RARRES1: variants seen among roughly 807,000 people sequenced by gnomAD.
RARRES1 encodes retinoic acid receptor responder 1, also known as retinoic acid receptor responder protein 1.
A neutral mutation model predicts 30.6 loss-of-function variants in RARRES1; 34 were observed. That is an observed-to-expected ratio of 1.11 (90% CI 0.84 to 1.48). The LOEUF (loss-of-function observed/expected upper bound fraction) is 1.48. Ranked by LOEUF, RARRES1 falls within the 40% of genes most tolerant of loss-of-function variation. The pLI is 0.00. For synonymous variants in RARRES1, 153 were observed against 155.5 expected (o/e 0.98, Z 0.12); for missense variants, 373 against 386.5 (o/e 0.97, Z 0.29).
intron 1 of RARRES1, among the ~76,000 whole-genome samples, chr3:158,715,796 A>G (rs1727302935): frequency 6.6e-6 from 1 of 152,228 alleles, no homozygotes; most frequent in Admixed American, 6.5e-5. Flanking sequence ...TAAATGAGAC[A>G]TGCCTGACAG....
chr3:158,730,347 G>A (rs1438132339), intron 1 of RARRES1, among the ~76,000 whole-genome samples: 6 of 135,712 alleles, frequency 4.4e-5, no homozygotes, highest in Admixed American at 1.5e-4. Context: ...AACAAAGACA[G>A]GTGACAAGAA....
chr3:158,722,086 C>CAAAAAAAGAAAAAAAAAAAAA (rs1727532257), intron 1 of RARRES1, among the ~76,000 whole-genome samples: 1 of 68,746 alleles, frequency 1.5e-5, no homozygotes, highest in Non-Finnish European at 2.9e-5. Flanking sequence ...GAATGAAACT[C>CAAAAAAAGAAAAAAAAAAAAA]AAAAAAAAAA....
chr3:158,728,210 T>TAAA (rs1553746094), intron 1 of RARRES1, among the ~76,000 whole-genome samples: 4 of 144,976 alleles, frequency 2.8e-5, no homozygotes, highest in African/African-American at 1.0e-4. Context: ...CTATTTCGTT[T>TAAA]AAAAAAAAAA....
chr3:158,698,986 T>C (rs1726638512), intron 4 of RARRES1, among the ~76,000 whole-genome samples: 1 of 152,236 alleles, frequency 6.6e-6, no homozygotes, highest in African/African-American at 2.4e-5. Flanking sequence ...GCTTGAGAGC[T>C]GGGACTCTCT....
intron 1 of RARRES1, among the ~76,000 whole-genome samples, chr3:158,728,414 G>A (rs1201537149): frequency 6.6e-6 from 1 of 151,970 alleles, no homozygotes; most frequent in Admixed American, 6.6e-5. Flanking sequence ...CTGGATGGAT[G>A]ATAGACATTG....
At chr3:158,711,195 A>T (rs552134436) in intron 2 of RARRES1, among the ~76,000 whole-genome samples, 27 of 152,266 alleles carry the variant, frequency 1.8e-4, no homozygotes, top group African/African-American at 6.3e-4. Flanking sequence ...ATTGACATCC[A>T]TTGAGCACTG....
rs1185199094 is a variant in RARRES1, at chr3:158,710,869, T to C, written c.404A>G (p.Gln135Arg). ...KCSARVFFKN[Q>R]KPRPTINVTC... is the part of the protein sequence containing the mutation. ...TACATTGATGGTTGGTCTGGGTTTC[T>C]GATTCTTGAAAAACACTCGAGCAGA... The change falls in exon 3 of 6, where the codon CAG (glutamine) becomes CGG (arginine). Residue 135 changes from glutamine to arginine, a missense_variant. Physicochemically the swap from Gln to Arg is conservative, Grantham distance 43 (BLOSUM62 1). Coordinates refer to ENST00000237696, the MANE Select transcript of RARRES1 (RefSeq NM_206963.2). 5 of 1,613,988 alleles carry C rather than the reference T, an allele frequency of 3.1e-6. No homozygotes were observed. Among genetic ancestry groups the C allele is most frequent in the Non-Finnish European group, 4.2e-6 (5 of 1,179,950 alleles).
At position 158,723,973 on chromosome 3, in the gene RARRES1, T is replaced by C. The variant is rs762117980; in HGVS notation, c.276+8167A>G. Among the ~76,000 whole-genome samples, 5 of 152,220 alleles carry C rather than the reference T, an allele frequency of 3.3e-5. No homozygotes were observed. The highest frequency in any genetic ancestry group is 7.3e-5 in the Non-Finnish European group (5 of 68,050). ...CAATGAAGGAGATAGAGACATGATATAATACCTTGCGCCCTGTAGAAGCTG... is the reference window on the plus strand; with the variant it reads ...CAATGAAGGAGATAGAGACATGATACAATACCTTGCGCCCTGTAGAAGCTG... On this transcript the variant is annotated intron_variant, in intron 1 of 5. Coordinates refer to ENST00000237696, the MANE Select transcript of RARRES1 (RefSeq NM_206963.2). The surrounding 1 kb of genome is among the most constrained non-coding windows in gnomAD (Gnocchi z 4.4).
chr3:158,721,183 A>G (rs1452470411), intron 1 of RARRES1, among the ~76,000 whole-genome samples: 1 of 152,142 alleles, frequency 6.6e-6, no homozygotes, highest in Non-Finnish European at 1.5e-5. Context: ...AAGCGAGCAG[A>G]CCAGCCTGGG....
chr3:158,700,868 G>T (rs1726699518), intron 4 of RARRES1, among the ~76,000 whole-genome samples: 1 of 152,030 alleles, frequency 6.6e-6, no homozygotes, highest in African/African-American at 2.4e-5. Context: ...CTTTTACTTG[G>T]TCATAACCCA....
chr3:158,711,379 T>C (rs1727130362), intron 2 of RARRES1, among the ~76,000 whole-genome samples: 2 of 152,044 alleles, frequency 1.3e-5, no homozygotes, highest in Admixed American at 1.3e-4. Context: ...CTGATTCCAG[T>C]TTGAAAGATT....
chr3:158,702,462 C>T (rs1046120099), intron 4 of RARRES1, among the ~76,000 whole-genome samples: 32 of 152,182 alleles, frequency 2.1e-4, no homozygotes, highest in Admixed American at 2.6e-4. Context: ...GAGGGAAATA[C>T]ACCTGCTATT....
At chr3:158,715,267 A>G (rs1210044562) in intron 1 of RARRES1, among the ~76,000 whole-genome samples, 19 of 152,258 alleles carry the variant, frequency 1.2e-4, no homozygotes, top group Non-Finnish European at 2.9e-5. Flanking sequence ...ACCTGCTTCT[A>G]TCTTGGAAAC....
chr3:158,710,876 T>G lies in RARRES1; in HGVS notation c.397A>C (p.Lys133Gln). Residue 133 changes from lysine to glutamine, a missense_variant, in exon 3 of 6, where the codon AAG (lysine) becomes CAG (glutamine). Coordinates refer to ENST00000237696, the MANE Select transcript of RARRES1 (RefSeq NM_206963.2). ...ATGGTTGGTCTGGGTTTCTGATTCT[T>G]GAAAAACACTCGAGCAGAACATTTC... The part of the protein sequence containing the change: ...LGKCSARVFF[K>Q]NQKPRPTINV... 1 of 1,614,140 alleles carries G rather than the reference T, an allele frequency of 6.2e-7. No individual in the cohort carries two copies. The highest frequency in any genetic ancestry group is 8.5e-7 in the Non-Finnish European group (1 of 1,179,988).
chr3:158,727,415 C>T (rs1727729890), intron 1 of RARRES1, among the ~76,000 whole-genome samples: 1 of 152,172 alleles, frequency 6.6e-6, no homozygotes, highest in Admixed American at 6.5e-5. Context: ...AATTCCTAAA[C>T]AATAGTGGAT....
At chr3:158,707,264 A>G (rs1726954818) in intron 3 of RARRES1, among the ~76,000 whole-genome samples, 1 of 152,220 alleles carries the variant, frequency 6.6e-6, no homozygotes, top group Non-Finnish European at 1.5e-5. Flanking sequence ...CTTTATGTAC[A>G]TAGAGTAGAA....
At chr3:158,713,949 G>C (rs564537600) in intron 1 of RARRES1, 90 bp from the exon 2 acceptor site, 4 of 1,142,372 alleles carry the variant, frequency 3.5e-6, no homozygotes, top group Non-Finnish European at 3.9e-6. Context: ...AACATGGCAT[G>C]CAAATGGTGG....
Position 158,704,897 on chromosome 3 carries a change from C to T in RARRES1, c.566G>A (p.Arg189Lys), listed in dbSNP as rs1455403765. ...AAGGAAAGCCAAATCCCAGATGAGT[C>T]TCAGAGAGGGATCAATATGTCCATG... ...DNHGHIDPSL[R>K]LIWDLAFLGS... The change falls in exon 4 of 6, where the codon AGA becomes AAA. Residue 189 changes from arginine to lysine, a missense_variant. By Grantham distance (26) the Arg-to-Lys change is conservative. Coordinates refer to ENST00000237696, the MANE Select transcript of RARRES1 (RefSeq NM_206963.2). 1 of 1,613,526 alleles carries T rather than the reference C, an allele frequency of 6.2e-7. No homozygotes were observed. The highest frequency in any genetic ancestry group is 1.1e-5 in the South Asian group (1 of 91,026).
In RARRES1 at chr3:158,732,258, C is replaced by G. The variant is rs1269864633; in HGVS notation, c.158G>C (p.Gly53Ala). Residue 53 changes from glycine to alanine, a missense_variant, in exon 1 of 6, where the codon GGG becomes GCG. By Grantham distance (60) the Gly-to-Ala change is moderately conservative (BLOSUM62 0). Transcript: ENST00000237696. ...CTGCTGCAGGAGCCTGCGCGGGACC[C>G]CAGCATCCTGAGGCTGCCCAGGGTC... ...PDDPGQPQDA[G>A]VPRRLLQQAA... The G allele has an allele frequency of 7.3e-7, 1 of 1,373,550 alleles. No individual in the cohort carries two copies. The highest frequency in any genetic ancestry group is 9.3e-7 in the Non-Finnish European group (1 of 1,073,632). The allele number at this position is 1,373,550 out of a possible 1,614,324, so 85.1% of individuals were successfully genotyped here. A position where few individuals can be genotyped will look rare whatever the true frequency, so the allele number is the denominator to read the frequency against.
Sources: allele counts gnomAD v4.1 joint callset (sites outside exome capture counted in the v4.1 genomes callset), GRCh38; gene constraint gnomAD v4.1.1; non-coding constraint Gnocchi (gnomAD v3.1); transcripts MANE v1.5; gene names NCBI Gene and HGNC (gene_info 2026-07-23, HGNC 2026-07-21).